ROBO1: variants seen among roughly 807,000 people sequenced by gnomAD.
ROBO1 encodes the protein roundabout guidance receptor 1.
A neutral mutation model predicts 195.9 loss-of-function variants in ROBO1; 149 were observed. The ratio of observed to expected loss-of-function variants is 0.76; its 90% CI spans 0.67 to 0.87. ROBO1 has a LOEUF of 0.87. ROBO1 is among the 40% of genes least tolerant of loss of function. The pLI, the probability that ROBO1 is intolerant of heterozygous loss-of-function variation, is 0.00. For synonymous variants in ROBO1, 816 were observed against 733.2 expected (o/e 1.11, Z -1.82); for missense variants, 1,933 against 2,068.3 (o/e 0.93, Z 1.27).
rs556817691 is a variant in ROBO1, at chr3:79,702,860, G to C, written c.-51+64892C>G. On this transcript the variant is annotated intron_variant, in intron 1 of 30. Transcript: ENST00000464233. ...TTCAAATGTAATTTGGAATCCTTGT[G>C]GATCTTGTACATCTGAGTCTGCTCT... 8.6e-4 allele frequency among the ~76,000 whole-genome samples: 131 copies of C among 152,070 alleles called. 1 individual carries two copies. Among genetic ancestry groups the C allele is most frequent in the African/African-American group, 3.0e-3 (123 of 41,538 alleles).
intron 3 of ROBO1, among the ~76,000 whole-genome samples, chr3:79,089,942 T>TTTC (rs72026557): frequency 0.94 from 137,732 of 146,028 alleles, 65,226 homozygotes; most frequent in South Asian, 0.99. Flanking sequence ...ATTCTTTCTT[T>TTTC]TTTTTTTTTT....
In ROBO1 at chr3:78,946,618, T is replaced by C. The variant is rs569714505; in HGVS notation, c.173-7691A>G. ...GCTAGGAAGAAACTGCATCAACTAA[T>C]GAGCAAAATAACCAGCTAACATCAT... On this transcript the variant is annotated intron_variant, in intron 3 of 30. Transcript: ENST00000464233. 7.4e-3 allele frequency among the ~76,000 whole-genome samples: 1,126 copies of C among 152,220 alleles called. 12 individuals carry two copies. Among genetic ancestry groups the C allele is most frequent in the African/African-American group, 0.026 (1,086 of 41,526 alleles).
intron 4 of ROBO1, among the ~76,000 whole-genome samples, chr3:78,796,451 A>C (rs575709184): frequency 5.3e-4 from 64 of 120,322 alleles, no homozygotes; most frequent in African/African-American, 1.9e-3. Context: ...ACTACAACCA[A>C]ACATAGAACT....
At chr3:79,269,318 C>T (rs2030298273) in intron 2 of ROBO1, among the ~76,000 whole-genome samples, 1 of 151,732 alleles carries the variant, frequency 6.6e-6, no homozygotes, top group Admixed American at 6.6e-5. Context: ...AGCACAGTGA[C>T]TTTCTCAGAG....
At chr3:78,605,246 A>G (rs1703400194) in intron 29 of ROBO1, among the ~76,000 whole-genome samples, 1 of 152,164 alleles carries the variant, frequency 6.6e-6, no homozygotes, top group Non-Finnish European at 1.5e-5. Flanking sequence ...TAGCTTGGAT[A>G]TCTTGATTAT....
rs564985187 is a variant in ROBO1 at position 79,570,703 on chromosome 3, C to T, written c.88+19121G>A. On this transcript the variant is annotated intron_variant, in intron 2 of 30. Coordinates refer to ENST00000464233, the MANE Select transcript of ROBO1 (RefSeq NM_002941.4). ...TAATAATTACAGTCAGAAAAACAAT[C>T]GTGCTGTGTATTAGGTATGATATTC... Among the ~76,000 whole-genome samples the T allele has an allele frequency of 2.7e-3, 409 of 152,178 alleles. 1 individual carries two copies. The highest frequency in any genetic ancestry group is 4.3e-3 in the Non-Finnish European group (291 of 67,984).
At chr3:78,688,285 G>C (rs2081094309) in intron 9 of ROBO1, among the ~76,000 whole-genome samples, 1 of 152,152 alleles carries the variant, frequency 6.6e-6, no homozygotes, top group African/African-American at 2.4e-5. Context: ...ATTATCATCT[G>C]TTTTAAATGT....
intron 4 of ROBO1, among the ~76,000 whole-genome samples, chr3:78,914,132 T>A (rs1576390404): frequency 1.3e-5 from 2 of 152,324 alleles, no homozygotes; most frequent in Admixed American, 1.3e-4. Context: ...TCTTCACTTT[T>A]AAGTTTCATT....
chr3:79,182,925 C>CA (rs1282562560), intron 2 of ROBO1, among the ~76,000 whole-genome samples: 2 of 151,430 alleles, frequency 1.3e-5, no homozygotes, highest in South Asian at 2.1e-4. Flanking sequence ...TACTAAAATA[C>CA]AAAAAATTAG....
chr3:78,811,293 G>A (rs987440908), intron 4 of ROBO1, among the ~76,000 whole-genome samples: 1 of 152,154 alleles, frequency 6.6e-6, no homozygotes, highest in African/African-American at 2.4e-5. Flanking sequence ...GTTGGTTCAA[G>A]TTCAAAAAGT....
At chr3:79,419,929 GATATACA>G (rs2038158707) in intron 2 of ROBO1, among the ~76,000 whole-genome samples, 2 of 151,892 alleles carry the variant, frequency 1.3e-5, no homozygotes, top group Non-Finnish European at 2.9e-5. Context: ...GTATACATAC[GATATACA>G]ATGTCCCTAG....
At chr3:79,467,140 C>G (rs80066836) in intron 2 of ROBO1, among the ~76,000 whole-genome samples, 242 of 152,224 alleles carry the variant, frequency 1.6e-3, no homozygotes, top group African/African-American at 5.7e-3. Flanking sequence ...AAAGACACAT[C>G]TCTGCAACAG....
chr3:79,299,895 A>C lies in ROBO1; in HGVS notation c.89-174356T>G, dbSNP rs562480799. On this transcript the variant is annotated intron_variant, in intron 2 of 30. Transcript: ENST00000464233. ...GAAAGTCTACTAAATTCTCTTAAAG[A>C]TATTCAAACTTTCAGAATATTAACG... 4.5e-3 allele frequency among the ~76,000 whole-genome samples: 684 copies of C among 152,282 alleles called. 4 individuals carry two copies. The highest frequency in any genetic ancestry group is 8.3e-3 in the Non-Finnish European group (564 of 68,006).
chr3:79,434,215 T>C (rs978912030), intron 2 of ROBO1, among the ~76,000 whole-genome samples: 2 of 152,036 alleles, frequency 1.3e-5, no homozygotes, highest in Admixed American at 1.3e-4. Context: ...AATTGACAAA[T>C]GGGATCTATT....
chr3:79,043,582 A>G (rs1399080838), intron 3 of ROBO1, among the ~76,000 whole-genome samples: 1 of 151,986 alleles, frequency 6.6e-6, no homozygotes, highest in African/African-American at 2.4e-5. Context: ...CAGATTCTGT[A>G]TTTCTTGCAA....
chr3:79,498,806 CA>C (rs2107488523), intron 2 of ROBO1, among the ~76,000 whole-genome samples: 1 of 151,458 alleles, frequency 6.6e-6, no homozygotes, highest in East Asian at 2.0e-4. Flanking sequence ...GTGATTGAGC[CA>C]TTGTGCTCCA....
rs544626831 is a variant in ROBO1, at chr3:78,929,310, T to C, written c.499+9291A>G. ...CCAGATAACCAGATGCACCTTTCCA[T>C]TTTATTCATTTATAAAGACAGTCCT... On this transcript the variant is annotated intron_variant, in intron 4 of 30. Coordinates refer to ENST00000464233, the MANE Select transcript of ROBO1 (RefSeq NM_002941.4). Among the ~76,000 whole-genome samples the C allele has an allele frequency of 4.6e-5, 7 of 152,236 alleles. No individual in the cohort carries two copies. The South Asian group carries it at 1.5e-3, about 32-fold the overall frequency.
At chr3:79,223,882 C>G (rs934477115) in intron 2 of ROBO1, among the ~76,000 whole-genome samples, 3 of 152,124 alleles carry the variant, frequency 2.0e-5, no homozygotes, top group Non-Finnish European at 4.4e-5. Flanking sequence ...GTTAAAGGAA[C>G]ATTTTAAAAT....
chr3:79,727,578 C>A (rs1441010032), intron 1 of ROBO1, among the ~76,000 whole-genome samples: 1 of 152,078 alleles, frequency 6.6e-6, no homozygotes, highest in African/African-American at 2.4e-5. Context: ...ATGAGTGTTT[C>A]TATGTCTGTG....
Sources: allele counts gnomAD v4.1 joint callset (sites outside exome capture counted in the v4.1 genomes callset), GRCh38; gene constraint gnomAD v4.1.1; transcripts MANE v1.5; gene names NCBI Gene and HGNC (gene_info 2026-07-23, HGNC 2026-07-21).